The following CFAP299 variants were observed in gnomAD, a reference collection of about 807,000 sequenced individuals.
CFAP299 encodes cilia and flagella associated protein 299.
Under a neutral mutation model 27.0 loss-of-function variants are expected in CFAP299, and 21 were observed. That is an observed-to-expected ratio of 0.78 (90% CI 0.55 to 1.12). The LOEUF (loss-of-function observed/expected upper bound fraction) is 1.12, where lower values mean the gene tolerates loss of function less well. CFAP299 is among the 50% of genes most tolerant of loss of function. The probability of loss-of-function intolerance (pLI) is 0.00; values close to 1 mark genes in which losing one functional copy is unlikely to be tolerated. For synonymous variants in CFAP299, 104 were observed against 98.1 expected (o/e 1.06, Z -0.36); for missense variants, 310 against 276.6 (o/e 1.12, Z -0.86).
chr4:80,932,685 G>A (rs1439524611), intron 4 of CFAP299, among the ~76,000 whole-genome samples: 2 of 151,908 alleles, frequency 1.3e-5, no homozygotes, highest in Non-Finnish European at 2.9e-5. Context: ...TCATATTTTT[G>A]GCAAATCTAT....
chr4:80,844,095 A>G (rs1731025840), intron 3 of CFAP299, among the ~76,000 whole-genome samples: 1 of 152,098 alleles, frequency 6.6e-6, no homozygotes, highest in African/African-American at 2.4e-5. Flanking sequence ...ATCGTTTTTT[A>G]TGGCTGCATA....
chr4:80,799,358 TATA>T (rs1199163145), intron 3 of CFAP299, among the ~76,000 whole-genome samples: 11 of 99,586 alleles, frequency 1.1e-4, no homozygotes, highest in African/African-American at 1.3e-4. Context: ...AATGTATTTA[TATA>T]ATATTTATAT....
At chr4:80,469,867 T>TA (rs945989022) in intron 2 of CFAP299, among the ~76,000 whole-genome samples, 9 of 152,156 alleles carry the variant, frequency 5.9e-5, no homozygotes, top group African/African-American at 9.6e-5. Flanking sequence ...CCTTTTTCTT[T>TA]AAAAAAAATT....
chr4:80,844,783 C>G (rs1167312815), intron 3 of CFAP299, among the ~76,000 whole-genome samples: 1 of 152,272 alleles, frequency 6.6e-6, no homozygotes, highest in South Asian at 2.1e-4. Flanking sequence ...TCAATTTTGG[C>G]TTTTGTTGCC....
At chr4:80,449,798 G>A (rs1244601770) in intron 2 of CFAP299, among the ~76,000 whole-genome samples, 3 of 151,664 alleles carry the variant, frequency 2.0e-5, no homozygotes, top group African/African-American at 7.3e-5. Context: ...AGCCAGAAAG[G>A]TCCATAATCT....
At chr4:80,378,666 A>G (rs1417778696) in intron 2 of CFAP299, among the ~76,000 whole-genome samples, 1 of 152,126 alleles carries the variant, frequency 6.6e-6, no homozygotes, top group Admixed American at 6.5e-5. Flanking sequence ...GATTGAAACA[A>G]TCTTATGGTT....
intron 3 of CFAP299, among the ~76,000 whole-genome samples, chr4:80,718,044 C>T (rs1722590740): frequency 6.6e-6 from 1 of 151,838 alleles, no homozygotes; most frequent in African/African-American, 2.4e-5. Context: ...TGCTTGAAAC[C>T]AGAGTATTTA....
intron 2 of CFAP299, among the ~76,000 whole-genome samples, chr4:80,457,714 G>A (rs754460709): frequency 6.6e-5 from 10 of 152,044 alleles, no homozygotes; most frequent in Admixed American, 6.6e-4. Flanking sequence ...TGCTACTGTA[G>A]CATTCATTTT....
At chr4:80,468,107 C>A (rs558968342) in intron 2 of CFAP299, among the ~76,000 whole-genome samples, 1 of 152,214 alleles carries the variant, frequency 6.6e-6, no homozygotes, top group South Asian at 2.1e-4. Context: ...AGTGTTGATA[C>A]CTACATAGGT....
At chr4:80,391,983 C>A (rs1011677099) in intron 2 of CFAP299, among the ~76,000 whole-genome samples, 1 of 152,164 alleles carries the variant, frequency 6.6e-6, no homozygotes, top group African/African-American at 2.4e-5. Context: ...TCATTTTGGA[C>A]CTCGTGACCT....
chr4:80,375,759 C>A (rs1336676546), intron 2 of CFAP299, among the ~76,000 whole-genome samples: 3 of 152,142 alleles, frequency 2.0e-5, no homozygotes, highest in Non-Finnish European at 2.9e-5. Flanking sequence ...AGAGGGGCGC[C>A]ACATTTGGTG....
At chr4:80,606,259 G>A (rs1737665752) in intron 3 of CFAP299, among the ~76,000 whole-genome samples, 1 of 152,174 alleles carries the variant, frequency 6.6e-6, no homozygotes, top group African/African-American at 2.4e-5. Context: ...TAGCTAGGCT[G>A]GGCGTGGTGG....
chr4:80,430,636 G>A (rs895204442), intron 2 of CFAP299, among the ~76,000 whole-genome samples: 1 of 151,778 alleles, frequency 6.6e-6, no homozygotes, highest in Non-Finnish European at 1.5e-5. Flanking sequence ...TCCCCTAAAC[G>A]CCGTTCTCAT....
intron 2 of CFAP299, among the ~76,000 whole-genome samples, chr4:80,396,213 A>G (rs1005306098): frequency 4.6e-5 from 7 of 152,142 alleles, no homozygotes; most frequent in African/African-American, 1.7e-4. Context: ...AGGGTGATAA[A>G]AACCCACTAC....
chr4:80,671,461 C>T (rs184586360), intron 3 of CFAP299, among the ~76,000 whole-genome samples: 173 of 152,094 alleles, frequency 1.1e-3, no homozygotes, highest in Middle Eastern at 6.8e-3. Context: ...TGCTTTGGAT[C>T]GTCTTGGCAA....
intron 3 of CFAP299, among the ~76,000 whole-genome samples, chr4:80,669,970 G>T (rs1741383216): frequency 6.6e-6 from 1 of 151,266 alleles, no homozygotes; most frequent in Non-Finnish European, 1.5e-5. Context: ...AGTGCGTCGT[G>T]AATTTTATGG....
intron 3 of CFAP299, among the ~76,000 whole-genome samples, chr4:80,761,463 G>A (rs188227694): frequency 9.2e-5 from 14 of 151,612 alleles, no homozygotes; most frequent in African/African-American, 3.4e-4. Flanking sequence ...TTAATAGCAT[G>A]GTTGATCTTT....
intron 3 of CFAP299, among the ~76,000 whole-genome samples, chr4:80,634,275 C>A (rs995054330): frequency 2.6e-5 from 4 of 152,140 alleles, no homozygotes; most frequent in African/African-American, 9.7e-5. Flanking sequence ...AGCCACCGCA[C>A]ATGGCCGAGA....
intron 2 of CFAP299, among the ~76,000 whole-genome samples, chr4:80,539,583 G>A (rs902936832): frequency 3.9e-5 from 6 of 152,118 alleles, no homozygotes; most frequent in East Asian, 3.9e-4. Context: ...CTGGCTTAGC[G>A]TGTGAGAGTT....
Sources: allele counts gnomAD v4.1 joint callset (sites outside exome capture counted in the v4.1 genomes callset), GRCh38; gene constraint gnomAD v4.1.1; transcripts MANE v1.5; gene names NCBI Gene and HGNC (gene_info 2026-07-23, HGNC 2026-07-21).